The following PID1 variants were observed in gnomAD, a reference collection of about 807,000 sequenced individuals.
PID1 encodes the protein phosphotyrosine interaction domain containing 1.
PID1 carries 10 observed loss-of-function variants against 19.1 expected under a neutral mutation model. The ratio of observed to expected loss-of-function variants is 0.52; its 90% CI spans 0.32 to 0.89. The LOEUF (loss-of-function observed/expected upper bound fraction) is 0.89, where lower values mean the gene tolerates loss of function less well. PID1 is among the 40% of genes least tolerant of loss of function. The pLI is 0.03. For missense variants in PID1, 248 were observed against 285.3 expected (o/e 0.87, Z 0.94); for synonymous variants, 130 against 116.0 (o/e 1.12, Z -0.78).
chr2:229,217,087 G>C (rs1337862453), intron 1 of PID1, among the ~76,000 whole-genome samples: 1 of 152,172 alleles, frequency 6.6e-6, no homozygotes, highest in East Asian at 1.9e-4. Flanking sequence ...TTGGCTACCA[G>C]TGTCCTTTAC....
chr2:229,109,740 C>T (rs2106146816), intron 2 of PID1, among the ~76,000 whole-genome samples: 1 of 152,282 alleles, frequency 6.6e-6, no homozygotes, highest in East Asian at 1.9e-4. Flanking sequence ...ATCGATGTAA[C>T]ACCTGGAATG....
At chr2:229,173,547 T>A (rs1690753156) in intron 1 of PID1, among the ~76,000 whole-genome samples, 1 of 152,238 alleles carries the variant, frequency 6.6e-6, no homozygotes, top group Non-Finnish European at 1.5e-5. Flanking sequence ...AGTCATGCGC[T>A]CTACTGAGTA....
intron 1 of PID1, among the ~76,000 whole-genome samples, chr2:229,201,967 T>C (rs924173799): frequency 3.3e-5 from 5 of 152,110 alleles, no homozygotes; most frequent in Non-Finnish European, 7.4e-5. Flanking sequence ...GCCACATTCC[T>C]ATGGCTCCCA....
chr2:229,253,024 C>T (rs1001767684), intron 1 of PID1, among the ~76,000 whole-genome samples: 8 of 152,182 alleles, frequency 5.3e-5, no homozygotes, highest in African/African-American at 1.7e-4. Context: ...AACTGGGGAA[C>T]TATATTCTCT....
chr2:229,253,751 A>G (rs1158090140), intron 1 of PID1, among the ~76,000 whole-genome samples: 3 of 152,192 alleles, frequency 2.0e-5, no homozygotes, highest in Non-Finnish European at 4.4e-5. Flanking sequence ...TTCCCCAGAC[A>G]TATGCTCTGC....
intron 1 of PID1, among the ~76,000 whole-genome samples, chr2:229,169,225 T>G (rs1261058927): frequency 3.3e-5 from 5 of 152,208 alleles, no homozygotes; most frequent in African/African-American, 4.8e-5. Flanking sequence ...CAGTCCATGG[T>G]CTTCCTGTGA....
At chr2:229,270,723 T>C (rs1489015049) in intron 1 of PID1, among the ~76,000 whole-genome samples, 1 of 149,010 alleles carries the variant, frequency 6.7e-6, no homozygotes, top group East Asian at 2.0e-4. Context: ...TGGAATGCAA[T>C]CTAAATTGCC....
intron 1 of PID1, among the ~76,000 whole-genome samples, chr2:229,180,335 G>A (rs146507748): frequency 2.8e-4 from 42 of 152,148 alleles, no homozygotes; most frequent in Middle Eastern, 3.4e-3. Context: ...ATCTGTATGC[G>A]CATAGAAGAC....
chr2:229,207,173 G>A (rs565470617), intron 1 of PID1, among the ~76,000 whole-genome samples: 1 of 152,204 alleles, frequency 6.6e-6, no homozygotes, highest in Non-Finnish European at 1.5e-5. Context: ...TTTTACACAA[G>A]TCTTCATTTA....
rs1196748020 is a variant in PID1, at chr2:229,220,034, T to A, written c.30+50980A>T. 4.0e-5 allele frequency among the ~76,000 whole-genome samples: 6 copies of A among 151,886 alleles called. No individual in the cohort carries two copies. In the East Asian group the frequency reaches 1.2e-3, roughly 30 times the overall value. ...TTTTGTTTTGGGGACTCTTTTTTTT[T>A]TTTGAATCAAGGCCTCATTCTGTCA... On this transcript the variant is annotated intron_variant, in intron 1 of 2. Transcript: ENST00000392055.
intron 2 of PID1, among the ~76,000 whole-genome samples, chr2:229,141,019 C>T (rs1168405120): frequency 1.3e-5 from 2 of 150,240 alleles, no homozygotes; most frequent in African/African-American, 2.5e-5. Flanking sequence ...ACATTTCCTT[C>T]CTTTGACTCT....
At chr2:229,051,826 C>A (rs1443842642) in intron 2 of PID1, among the ~76,000 whole-genome samples, 1 of 152,142 alleles carries the variant, frequency 6.6e-6, no homozygotes, top group Admixed American at 6.5e-5. Flanking sequence ...TTTTCAGCTC[C>A]CAATTCTCTT....
At chr2:229,106,011 G>A (rs1000221326) in intron 2 of PID1, among the ~76,000 whole-genome samples, 17 of 147,346 alleles carry the variant, frequency 1.2e-4, no homozygotes, top group African/African-American at 4.0e-4. Flanking sequence ...CCCGGGAGGT[G>A]GAGCTTGCAG....
At chr2:229,070,144 T>C (rs1262071293) in intron 2 of PID1, among the ~76,000 whole-genome samples, 2 of 152,194 alleles carry the variant, frequency 1.3e-5, no homozygotes, top group Non-Finnish European at 2.9e-5. Flanking sequence ...CACTGTAATC[T>C]TTTCTAAATA....
chr2:229,154,973 A>C (rs1690335577), intron 2 of PID1, among the ~76,000 whole-genome samples: 1 of 152,220 alleles, frequency 6.6e-6, no homozygotes, highest in Non-Finnish European at 1.5e-5. Context: ...CCACGTTGGC[A>C]TTAAAGTTTG....
At chr2:229,029,445 G>A (rs1007755961) in intron 2 of PID1, among the ~76,000 whole-genome samples, 1 of 151,770 alleles carries the variant, frequency 6.6e-6, no homozygotes, top group Non-Finnish European at 1.5e-5. Context: ...AACAAGTGTT[G>A]GCAAGGATGA....
At chr2:229,101,617 C>T (rs1277706667) in intron 2 of PID1, among the ~76,000 whole-genome samples, 3 of 152,190 alleles carry the variant, frequency 2.0e-5, no homozygotes, top group East Asian at 1.9e-4. Context: ...CCTATTATCA[C>T]ACCCATTTTA....
chr2:229,049,718 G>C (rs926442609), intron 2 of PID1, among the ~76,000 whole-genome samples: 14 of 152,110 alleles, frequency 9.2e-5, no homozygotes, highest in African/African-American at 3.4e-4. Context: ...GCACTCAGAA[G>C]ACCATAAAAA....
intron 1 of PID1, among the ~76,000 whole-genome samples, chr2:229,174,026 G>A (rs1690762996): frequency 6.6e-6 from 1 of 152,238 alleles, no homozygotes; most frequent in East Asian, 1.9e-4. Flanking sequence ...CCCCTTCCCT[G>A]CTCCACTTCC....
Sources: allele counts gnomAD v4.1 joint callset (sites outside exome capture counted in the v4.1 genomes callset), GRCh38; gene constraint gnomAD v4.1.1; transcripts MANE v1.5; gene names NCBI Gene and HGNC (gene_info 2026-07-23, HGNC 2026-07-21).